Variants in ADCY6 observed in about 807,000 individuals in gnomAD.
The protein encoded by ADCY6 is adenylate cyclase type 6.
Under a neutral mutation model 111.6 loss-of-function variants are expected in ADCY6, and 59 were observed. The observed-to-expected ratio is 0.53, with a 90% CI of 0.43 to 0.66. ADCY6 has a LOEUF of 0.66. Ranked by LOEUF, ADCY6 falls within the 30% of genes least tolerant of loss-of-function variation. The probability of loss-of-function intolerance (pLI) is 0.00; values close to 1 mark genes in which losing one functional copy is unlikely to be tolerated. For missense variants in ADCY6, 1,242 were observed against 1,595.6 expected (o/e 0.78, Z 3.78); for synonymous variants, 576 against 642.9 (o/e 0.90, Z 1.57).
At chr12:48,783,482 G>C (rs1202861955) in intron 1 of ADCY6, 44 bp from the exon 2 acceptor site, 3 of 1,612,580 alleles carry the variant, frequency 1.9e-6, no homozygotes, top group Admixed American at 1.7e-5. Context: ...CATCCAGTAG[G>C]AGTGGTATTA....
In ADCY6 at chr12:48,775,364, A is replaced by G. The variant is rs750539561; in HGVS notation, c.1919T>C (p.Leu640Pro). 57 of 1,614,022 alleles carry G rather than the reference A, an allele frequency of 3.5e-5. 1 individual carries two copies. The highest frequency in any genetic ancestry group is 3.4e-6 in the Non-Finnish European group (4 of 1,180,038). Residue 640 changes from leucine (L) to proline (P), a missense_variant, in exon 11 of 22, where the codon CTG becomes CCG. Around this residue, in one of 4 missense-constraint regions of ADCY6, gnomAD observed 375 missense variants for 432.5 expected, o/e 0.87. Transcript: ENST00000357869. ...RAIDARSIDQ[L>P]RKDHVRRFLL... Reference sequence around the variant, plus strand: ...AAACCGGCGCACATGGTCCTTCCGCAGCTGATCAATGCTGCGGGCATCGAT... The same window carrying G: ...AAACCGGCGCACATGGTCCTTCCGCGGCTGATCAATGCTGCGGGCATCGAT...
chr12:48,782,530 C>T lies in ADCY6; in HGVS notation c.864+41G>A. ...CACCTGCTTATGAGGTGAGAAATTC[C>T]CCACCTGCTGCCCTCCATCCCTACC... On this transcript the variant is annotated intron_variant, in intron 2 of 21. Coordinates refer to ENST00000357869, the MANE Select transcript of ADCY6 (RefSeq NM_015270.5). The surrounding 1 kb of genome is among the most constrained non-coding windows in gnomAD (Gnocchi z 4.3). 3 of 1,569,510 alleles carry T rather than the reference C, an allele frequency of 1.9e-6. No individual in the cohort carries two copies. Among genetic ancestry groups the T allele is most frequent in the Middle Eastern group, 1.8e-4 (1 of 5,638 alleles).
chr12:48,787,883 C>T (rs1476587719), intron 1 of ADCY6, among the ~76,000 whole-genome samples: 1 of 152,218 alleles, frequency 6.6e-6, no homozygotes, highest in East Asian at 1.9e-4. Flanking sequence ...GAGTTTGGAA[C>T]CAGCCAAGGC....
intron 2 of ADCY6, among the ~76,000 whole-genome samples, chr12:48,779,802 C>G (rs1278519251): frequency 6.6e-6 from 1 of 152,178 alleles, no homozygotes; most frequent in Non-Finnish European, 1.5e-5. Flanking sequence ...AGGTTCTGGG[C>G]TCTAACTTGA....
intron 20 of ADCY6, among the ~76,000 whole-genome samples, chr12:48,769,432 A>T (rs532428043): frequency 6.6e-6 from 1 of 151,266 alleles, no homozygotes; most frequent in South Asian, 2.1e-4. Context: ...AAAAAAAAAA[A>T]AACCCAAAAA....
At position 48,782,461 on chromosome 12, in the gene ADCY6, C is replaced by G. The variant is rs1449732952; in HGVS notation, c.864+110G>C. On this transcript the variant is annotated intron_variant, in intron 2 of 21. Coordinates refer to ENST00000357869, the MANE Select transcript of ADCY6 (RefSeq NM_015270.5). This position sits in a 1 kb window ranked among gnomAD's most constrained non-coding sequence, Gnocchi z 4.3. ...CAGATACAGCCAGACATCCCTGCAC[C>G]CAGCTTCCACCCATGACTCACCCGC... 1.4e-6 allele frequency: 2 copies of G among 1,468,252 alleles called. No homozygotes were observed. Among genetic ancestry groups the G allele is most frequent in the East Asian group, 4.9e-5 (2 of 40,576 alleles). 91.0% of individuals were successfully genotyped at this position (1,468,252 alleles called of 1,614,324 possible).
chr12:48,777,298 A>C lies in ADCY6; in HGVS notation c.1249-67T>G. 1 of 1,592,838 alleles carries C rather than the reference A, an allele frequency of 6.3e-7. No homozygotes were observed. Among genetic ancestry groups the C allele is most frequent in the African/African-American group, 1.3e-5 (1 of 74,804 alleles). On this transcript the variant is annotated intron_variant, in intron 5 of 21. Coordinates refer to ENST00000357869, the MANE Select transcript of ADCY6 (RefSeq NM_015270.5). The surrounding 1 kb of genome is among the most constrained non-coding windows in gnomAD (Gnocchi z 4.9). ...CTTGCCCACCCAGCCTGCATGGCCC[A>C]CCACCCTCCACGCATACTCTATCTG...
Position 48,777,998 on chromosome 12 carries a change from G to T in ADCY6, c.1014+110C>A. ...CAGGGCCTCTGTGACGCACAACCCAGGGGAACCATCACACTGTGCTGCACG... is the reference window on the plus strand; with the variant it reads ...CAGGGCCTCTGTGACGCACAACCCATGGGAACCATCACACTGTGCTGCACG... On this transcript the variant is annotated intron_variant, in intron 3 of 21. Transcript: ENST00000357869. This position sits in a 1 kb window ranked among gnomAD's most constrained non-coding sequence, Gnocchi z 4.9. The T allele has an allele frequency of 6.9e-7, 1 of 1,444,416 alleles. No homozygotes were observed. The allele number at this position is 1,444,416 out of a possible 1,614,324, so 89.5% of individuals were successfully genotyped here. A position where few individuals can be genotyped will look rare whatever the true frequency, so the allele number is the denominator to read the frequency against.
Position 48,771,583 on chromosome 12 carries a change from C to A in ADCY6, c.3051+127G>T, listed in dbSNP as rs769555800. 1 of 1,478,688 alleles carries A rather than the reference C, an allele frequency of 6.8e-7. No individual in the cohort carries two copies. Among genetic ancestry groups the A allele is most frequent in the Admixed American group, 1.7e-5 (1 of 59,460 alleles). The allele number at this position is 1,478,688 out of a possible 1,614,324, so 91.6% of individuals were successfully genotyped here. On this transcript the variant is annotated intron_variant, in intron 19 of 21. Coordinates refer to ENST00000357869, the MANE Select transcript of ADCY6 (RefSeq NM_015270.5). The surrounding 1 kb of genome is among the most constrained non-coding windows in gnomAD (Gnocchi z 4.3). The stretch of plus-strand genomic sequence containing the variant: ...TTGCCTCTGCCTCCACTGTGCATAC[C>A]CTTACCCCTGATGACTCTGGGTCCC...
At chr12:48,773,688 C>T (rs1324336883) in intron 15 of ADCY6, 41 bp from the exon 16 acceptor site, 7 of 1,610,234 alleles carry the variant, frequency 4.3e-6, no homozygotes, top group Non-Finnish European at 5.9e-6. Context: ...AAGGCAGAGG[C>T]CACAGCACCC....
rs1941755203 is a variant in ADCY6, at chr12:48,778,158, G to A, written c.964C>T (p.Arg322Cys). Residue 322 changes from arginine (R) to cysteine (C), a missense_variant, in exon 3 of 22, where the codon CGC becomes TGC. By Grantham distance (180) the Arg-to-Cys change is radical. Transcript: ENST00000357869. ...TGGAGCCGGGCCTGGATGTAACCGC[G>A]GGTCTCCTGAAAGGCCTGGCGCTGA... is the stretch of plus-strand genomic sequence containing the variant. Reference protein sequence around the residue: ...VSQRQAFQETRGYIQARLHLQ... With the variant: ...VSQRQAFQETCGYIQARLHLQ... 1.2e-6 allele frequency: 2 copies of A among 1,613,814 alleles called. No individual in the cohort carries two copies. The highest frequency in any genetic ancestry group is 1.7e-6 in the Non-Finnish European group (2 of 1,179,976).
Position 48,773,990 on chromosome 12 carries a change from G to C in ADCY6, c.2392C>G (p.Leu798Val). 1 of 1,613,870 alleles carries C rather than the reference G, an allele frequency of 6.2e-7. No individual in the cohort carries two copies. The highest frequency in any genetic ancestry group is 8.5e-7 in the Non-Finnish European group (1 of 1,179,886). Residue 798 changes from leucine to valine, a missense_variant, in exon 15 of 22, where the codon CTG becomes GTG. By Grantham distance (32) the Leu-to-Val change is conservative (BLOSUM62 1). Transcript: ENST00000357869. ...GTGCCCTCACACAGGGGAGCATCCA[G>C]GCCCAGAGAGTAATTGAGCTGCTGC... Reference protein sequence around the residue: ...HLQQLNYSLGLDAPLCEGTMP... With the variant: ...HLQQLNYSLGVDAPLCEGTMP...
intron 20 of ADCY6, among the ~76,000 whole-genome samples, chr12:48,770,214 C>T (rs1941498463): frequency 6.6e-6 from 1 of 151,978 alleles, no homozygotes; most frequent in African/African-American, 2.4e-5. Flanking sequence ...TGGCTTCATC[C>T]TTTCAACACC....
At chr12:48,775,220 T>C in intron 11 of ADCY6, 83 bp downstream of exon 11, 4 of 1,580,670 alleles carry the variant, frequency 2.5e-6, no homozygotes, top group South Asian at 1.1e-5. Flanking sequence ...CAGAAACACC[T>C]GTGCCCTCAC....
Position 48,768,462 on chromosome 12 carries a change from G to T in ADCY6, c.*129C>A. The T allele has an allele frequency of 7.5e-7, 1 of 1,341,004 alleles. No individual in the cohort carries two copies. The highest frequency in any genetic ancestry group is 1.4e-5 in the African/African-American group (1 of 69,686). The allele number at this position is 1,341,004 out of a possible 1,614,324, so 83.1% of individuals were successfully genotyped here. On this transcript the variant is annotated 3_prime_UTR_variant, in exon 22 of 22. Coordinates refer to ENST00000357869, the MANE Select transcript of ADCY6 (RefSeq NM_015270.5). ...GAGCATGATCCAAGCACAGCCTGCT[G>T]GGATGTTCCCTTTTGTGGTTAGCAG...
At position 48,774,967 on chromosome 12, in the gene ADCY6, T is replaced by G; in HGVS notation, c.2068A>C (p.Ile690Leu). 6.4e-7 allele frequency: 1 copy of G among 1,555,170 alleles called. No homozygotes were observed. Among genetic ancestry groups the G allele is most frequent in the Non-Finnish European group, 8.7e-7 (1 of 1,148,968 alleles). The change falls in exon 12 of 22, where the codon ATC becomes CTC. Residue 690 changes from isoleucine (I) to leucine (L), a missense_variant. Coordinates refer to ENST00000357869, the MANE Select transcript of ADCY6 (RefSeq NM_015270.5). ...FCFICFIQLL[I>L]FPHSTLMLGI... ...AGGCAGGGCTCTCACTGTGGGAAGATGAGAAGCTGGATGAAGCAGATGAAG... is the reference window on the plus strand; with the variant it reads ...AGGCAGGGCTCTCACTGTGGGAAGAGGAGAAGCTGGATGAAGCAGATGAAG...
At position 48,776,086 on chromosome 12, in the gene ADCY6, CTCTT is replaced by C. The variant is rs752898128; in HGVS notation, c.1679_1682del (p.Lys560ArgfsTer20). On this transcript the variant is annotated frameshift_variant and splice_region_variant, in exon 9 of 22. Coordinates refer to ENST00000357869, the MANE Select transcript of ADCY6 (RefSeq NM_015270.5). LOFTEE classifies it high-confidence loss of function. This position sits in a 1 kb window ranked among gnomAD's most constrained non-coding sequence, Gnocchi z 6.1. ...GCAGCTTGGCCAGCATGGCCTTCTC[CTCTT>C]TCTGTGCGGGCAGCATGGGTACAGG... The C allele has an allele frequency of 6.2e-7, 1 of 1,613,774 alleles. No homozygotes were observed. The highest frequency in any genetic ancestry group is 8.5e-7 in the Non-Finnish European group (1 of 1,179,816).
In ADCY6 at chr12:48,782,238, C is replaced by T. The variant is rs1478984180; in HGVS notation, c.864+333G>A. ...GTGGCCCTGGGGCTATATACCACAC[C>T]CCTGCCTCCAGCCCCACATTCTGTC... On this transcript the variant is annotated intron_variant, in intron 2 of 21. Transcript: ENST00000357869. The surrounding 1 kb of genome is among the most constrained non-coding windows in gnomAD (Gnocchi z 4.3). Among the ~76,000 whole-genome samples, 1 of 152,092 alleles carries T rather than the reference C, an allele frequency of 6.6e-6. No homozygotes were observed. Among genetic ancestry groups the T allele is most frequent in the Non-Finnish European group, 1.5e-5 (1 of 68,000 alleles).
rs1034213467 is a variant in ADCY6, at chr12:48,767,680, C to G, written c.*911G>C. 6.6e-6 allele frequency: 1 copy of G among 152,600 alleles called. No individual in the cohort carries two copies. The highest frequency in any genetic ancestry group is 6.5e-5 in the Admixed American group (1 of 15,280). The allele number at this position is 152,600 out of a possible 1,614,324, so 9.5% of individuals were successfully genotyped here. A position where few individuals can be genotyped will look rare whatever the true frequency, so the allele number is the denominator to read the frequency against. On this transcript the variant is annotated 3_prime_UTR_variant, in exon 22 of 22. Coordinates refer to ENST00000357869, the MANE Select transcript of ADCY6 (RefSeq NM_015270.5). ...GAAGAGGAAGAGATGCTCCATGCCCCCTTGTCAGCAGACAGCAAGAGAGCA... is the reference window on the plus strand; with the variant it reads ...GAAGAGGAAGAGATGCTCCATGCCCGCTTGTCAGCAGACAGCAAGAGAGCA...
Sources: allele counts gnomAD v4.1 joint callset (sites outside exome capture counted in the v4.1 genomes callset), GRCh38; gene constraint gnomAD v4.1.1; regional missense constraint gnomAD v4.1.1; non-coding constraint Gnocchi (gnomAD v3.1); transcripts MANE v1.5; gene names NCBI Gene and HGNC (gene_info 2026-07-23, HGNC 2026-07-21).